The following ZNF600 variants were observed in gnomAD, a reference collection of about 807,000 sequenced individuals.
ZNF600 encodes zinc finger protein 600, also known as zinc finger protein KR-ZNF1.
ZNF600 carries 4 observed loss-of-function variants against 7.3 expected under a neutral mutation model. The observed-to-expected ratio is 0.55, with a 90% CI of 0.27 to 1.25. The LOEUF (loss-of-function observed/expected upper bound fraction) is 1.25. Among genes scored for constraint, ZNF600 ranks in the 50% most tolerant of loss-of-function variants. The pLI, the probability that ZNF600 is intolerant of heterozygous loss-of-function variation, is 0.12. For synonymous variants in ZNF600, 290 were observed against 308.9 expected (o/e 0.94, Z 0.64); for missense variants, 911 against 922.1 (o/e 0.99, Z 0.16).
At chr19:52,829,668 C>A in the ZNF600 span, among the ~76,000 whole-genome samples, 1 of 152,206 alleles carries the variant, frequency 6.6e-6, no homozygotes, top group African/African-American at 2.4e-5. Flanking sequence ...GCCACCGCAC[C>A]CGGCCATCCA....
rs1250837424 is a variant in ZNF600, at chr19:52,767,055, G to T, written c.908C>A (p.Thr303Lys). The change falls in exon 4 of 4, where the codon ACA (threonine) becomes AAA (lysine). Residue 303 changes from threonine (T) to lysine (K), a missense_variant. Transcript: ENST00000648973. ...TGCAGTGTGAAGTCTACGATGGCAT[G>T]TAAGGGATGATACCTGACTGAAGGA... The T allele has an allele frequency of 1.1e-5, 17 of 1,613,924 alleles. No individual in the cohort carries two copies. Among genetic ancestry groups the T allele is most frequent in the Non-Finnish European group, 1.4e-5 (17 of 1,180,002 alleles).
the ZNF600 span, among the ~76,000 whole-genome samples, chr19:52,830,142 G>A: frequency 3.6e-4 from 55 of 152,110 alleles, no homozygotes; most frequent in East Asian, 9.7e-4. Flanking sequence ...GTGTGTTGGT[G>A]CATGCCTGTA....
chr19:52,766,150 TGAA>T, exon 4 of ZNF600: 1 of 1,614,034 alleles, frequency 6.2e-7, no homozygotes, highest in Non-Finnish European at 8.5e-7. Context: ...GACCTCTGAC[TGAA>T]GGTCTTGCTG....
At chr19:52,821,509 G>A in the ZNF600 span, 1 of 152,266 alleles carries the variant, frequency 6.6e-6, no homozygotes, top group East Asian at 1.9e-4. Context: ...CAGGTCTAGG[G>A]GGACCCCACA....
At chr19:52,822,074 C>CTT in the ZNF600 span, among the ~76,000 whole-genome samples, 821 of 78,642 alleles carry the variant, frequency 0.01, 35 homozygotes, top group African/African-American at 0.037. Context: ...TTCTTTTTCC[C>CTT]TTTTTTTTTT....
chr19:52,809,632 C>T, the ZNF600 span, among the ~76,000 whole-genome samples: 1 of 152,086 alleles, frequency 6.6e-6, no homozygotes, highest in Non-Finnish European at 1.5e-5. Context: ...ATAATGAAAG[C>T]CCTTCTCTAC....
At chr19:52,795,701 G>C in the ZNF600 span, among the ~76,000 whole-genome samples, 1 of 152,022 alleles carries the variant, frequency 6.6e-6, no homozygotes, top group African/African-American at 2.4e-5. Context: ...TGAGTAGCTG[G>C]GATTACAGGC....
chr19:52,800,040 G>A, the ZNF600 span: 1 of 1,614,190 alleles, frequency 6.2e-7, no homozygotes, highest in Non-Finnish European at 8.5e-7. Context: ...TTTCTCTCCA[G>A]TATGAACTCT....
chr19:52,788,160 T>C (rs1038684331), upstream of ZNF600, among the ~76,000 whole-genome samples: 2 of 152,066 alleles, frequency 1.3e-5, no homozygotes, highest in African/African-American at 4.8e-5. Context: ...CTCATGTCAC[T>C]AGGTTATAGA....
the ZNF600 span, among the ~76,000 whole-genome samples, chr19:52,807,450 C>G: frequency 6.6e-6 from 1 of 152,284 alleles, no homozygotes; most frequent in East Asian, 1.9e-4. Context: ...AACTGGATAT[C>G]TTTAAAGTCT....
At chr19:52,771,725 G>A (rs534077485) in intron 3 of ZNF600, among the ~76,000 whole-genome samples, 2 of 152,228 alleles carry the variant, frequency 1.3e-5, no homozygotes, top group South Asian at 4.1e-4. Context: ...TGATCCACCC[G>A]TCTTTGCCTC....
At chr19:52,824,350 C>T in the ZNF600 span, among the ~76,000 whole-genome samples, 1 of 151,974 alleles carries the variant, frequency 6.6e-6, no homozygotes, top group African/African-American at 2.4e-5. Flanking sequence ...TAAAGCTATC[C>T]ATGACTGGTC....
At chr19:52,809,873 C>T in the ZNF600 span, 12 of 685,938 alleles carry the variant, frequency 1.7e-5, no homozygotes, top group African/African-American at 5.4e-5. Flanking sequence ...GGCCTGCGGG[C>T]GGTCCGGGAT....
chr19:52,778,853 T>C (rs2062697335), exon 2 of ZNF600: 2 of 1,607,672 alleles, frequency 1.2e-6, no homozygotes, highest in Non-Finnish European at 1.7e-6. Flanking sequence ...CTGGCTCCTT[T>C]CCTTTCCTCT....
the ZNF600 span, among the ~76,000 whole-genome samples, chr19:52,833,313 A>G: frequency 6.6e-6 from 1 of 152,172 alleles, no homozygotes; most frequent in African/African-American, 2.4e-5. Context: ...ATCCATGTCT[A>G]GGTGTGAGGC....
chr19:52,826,357 G>C, the ZNF600 span, among the ~76,000 whole-genome samples: 1 of 152,060 alleles, frequency 6.6e-6, no homozygotes, highest in South Asian at 2.1e-4. Flanking sequence ...GATCACCTGA[G>C]TTCAGAGGTC....
At chr19:52,804,365 C>T in the ZNF600 span, among the ~76,000 whole-genome samples, 1 of 152,058 alleles carries the variant, frequency 6.6e-6, no homozygotes, top group Non-Finnish European at 1.5e-5. Context: ...GCATGATTCT[C>T]CTACCTCAAG....
chr19:52,766,991 A>G, exon 4 of ZNF600: 3 of 1,613,838 alleles, frequency 1.9e-6, no homozygotes, highest in Non-Finnish European at 2.5e-6. Flanking sequence ...AATTTTGACC[A>G]AAGATCTTGC....
exon 4 of ZNF600, chr19:52,766,990 C>A (rs769222886): frequency 1.9e-6 from 3 of 1,613,450 alleles, no homozygotes; most frequent in Non-Finnish European, 1.7e-6. Context: ...GAATTTTGAC[C>A]AAAGATCTTG....
Sources: gnomAD v4.1 joint callset for allele counts (sites outside exome capture counted in the v4.1 genomes callset) on GRCh38, gnomAD v4.1.1 for gene constraint, MANE v1.5 for transcripts, NCBI Gene and HGNC (gene_info 2026-07-23, HGNC 2026-07-21) for gene names.